HLCS: variants seen among roughly 807,000 people sequenced by gnomAD.
HLCS encodes the protein holocarboxylase synthetase.
HLCS carries 53 observed loss-of-function variants against 75.0 expected under a neutral mutation model. The observed-to-expected ratio is 0.71, with a 90% confidence interval of 0.57 to 0.89. HLCS has a LOEUF of 0.89. Among genes scored for constraint, HLCS ranks in the 40% least tolerant of loss-of-function variants. The pLI is 0.00. For missense variants in HLCS, 966 were observed against 1,074.0 expected (o/e 0.90, Z 1.41); for synonymous variants, 431 against 428.6 (o/e 1.01, Z -0.07).
chr21:36,775,303 T>C (rs192135457), intron 6 of HLCS, among the ~76,000 whole-genome samples: 3 of 152,356 alleles, frequency 2.0e-5, no homozygotes, highest in Non-Finnish European at 2.9e-5. Flanking sequence ...AGAATGAGGC[T>C]CCTTTTTGGT....
chr21:36,879,793 C>T (rs941035930), intron 6 of HLCS, among the ~76,000 whole-genome samples: 1 of 152,050 alleles, frequency 6.6e-6, no homozygotes, highest in Non-Finnish European at 1.5e-5. Flanking sequence ...GCCTGTAGTC[C>T]CAGCTACTCA....
At position 36,937,105 on chromosome 21, in the gene HLCS, T is replaced by C; in HGVS notation, c.781A>G (p.Asn261Asp). ...SSCHECLELE[N>D]STIESVKFAS... ...AACTTGACTGACTCAATGGTGCTGT[T>C]CTCAAGTTCCAGACACTCGTGGCAA... The change falls in exon 4 of 11, where the codon AAC becomes GAC. Residue 261 changes from asparagine (N) to aspartate (D), a missense_variant. Physicochemically the swap from Asn to Asp is conservative, Grantham distance 23 (BLOSUM62 1). Coordinates refer to ENST00000674895, the MANE Select transcript of HLCS (RefSeq NM_001352514.2). The C allele has an allele frequency of 6.2e-7, 1 of 1,614,126 alleles. No homozygotes were observed. The highest frequency in any genetic ancestry group is 8.5e-7 in the Non-Finnish European group (1 of 1,180,034).
intron 6 of HLCS, among the ~76,000 whole-genome samples, chr21:36,789,295 T>C (rs1047228503): frequency 6.6e-6 from 1 of 152,218 alleles, no homozygotes; most frequent in African/African-American, 2.4e-5. Flanking sequence ...AAACAGTACA[T>C]ACCACCTCAT....
intron 6 of HLCS, among the ~76,000 whole-genome samples, chr21:36,824,086 C>T (rs1252673717): frequency 4.6e-5 from 7 of 152,254 alleles, no homozygotes; most frequent in Admixed American, 4.6e-4. Flanking sequence ...TTGAGACCAG[C>T]CTGGCCAACA....
intron 6 of HLCS, among the ~76,000 whole-genome samples, chr21:36,801,420 A>G (rs2061197448): frequency 6.6e-6 from 1 of 152,246 alleles, no homozygotes. Context: ...CAATCAAGAA[A>G]AGGAAAAAAA....
At chr21:36,984,212 GT>G (rs998220690) in intron 1 of HLCS, among the ~76,000 whole-genome samples, 19 of 42,452 alleles carry the variant, frequency 4.5e-4, no homozygotes, top group African/African-American at 1.1e-3. Context: ...TGGTAGAGTA[GT>G]CCCCCCTTAT....
At chr21:36,771,796 C>T (rs910205074) in intron 6 of HLCS, among the ~76,000 whole-genome samples, 2 of 152,052 alleles carry the variant, frequency 1.3e-5, no homozygotes, top group Non-Finnish European at 2.9e-5. Context: ...GTCAGGAGTT[C>T]GGGACCAGCT....
At chr21:36,822,910 G>A (rs1601401919) in intron 6 of HLCS, among the ~76,000 whole-genome samples, 1 of 152,120 alleles carries the variant, frequency 6.6e-6, no homozygotes, top group Non-Finnish European at 1.5e-5. Flanking sequence ...TCAGAGTAGG[G>A]TTAAAAGAAA....
chr21:36,839,608 A>C (rs1156320689), intron 6 of HLCS, among the ~76,000 whole-genome samples: 1 of 152,226 alleles, frequency 6.6e-6, no homozygotes. Context: ...AAGAACTTCA[A>C]AGCCAACACA....
At chr21:36,918,900 C>T (rs1472446666) in intron 5 of HLCS, among the ~76,000 whole-genome samples, 1 of 152,200 alleles carries the variant, frequency 6.6e-6, no homozygotes, top group Non-Finnish European at 1.5e-5. Flanking sequence ...TACACATGTG[C>T]TTATTATACA....
At chr21:36,869,188 G>A (rs921482860) in intron 6 of HLCS, among the ~76,000 whole-genome samples, 2 of 151,816 alleles carry the variant, frequency 1.3e-5, no homozygotes, top group Admixed American at 6.6e-5. Flanking sequence ...GCAGTGGTGC[G>A]ATCTCGGCTC....
rs781702023 is a variant in HLCS at position 36,938,820 on chromosome 21, A to G, written c.493+12T>C. 3.1e-6 allele frequency: 5 copies of G among 1,613,716 alleles called. 1 individual carries two copies. The South Asian group carries it at 5.5e-5, about 18-fold the overall frequency. On this transcript the variant is annotated intron_variant, in intron 3 of 10. Coordinates refer to ENST00000674895, the MANE Select transcript of HLCS (RefSeq NM_001352514.2). ...TGCCTGGCCAATAAAAACATTTTCT[A>G]AAGTTACTTACACACAATCTTTTGG... is the stretch of plus-strand genomic sequence containing the variant.
At chr21:36,874,785 C>T (rs960982006) in intron 6 of HLCS, among the ~76,000 whole-genome samples, 6 of 152,080 alleles carry the variant, frequency 3.9e-5, no homozygotes, top group South Asian at 2.1e-4. Context: ...CCTACCAAGT[C>T]GGCTGGGCAG....
intron 6 of HLCS, among the ~76,000 whole-genome samples, chr21:36,872,149 G>A (rs971401220): frequency 8.5e-5 from 13 of 152,120 alleles, no homozygotes; most frequent in Non-Finnish European, 1.8e-4. Context: ...TGGGCTGGGC[G>A]CGGTGGCTCA....
At chr21:36,763,117 C>T (rs904504651) in intron 8 of HLCS, among the ~76,000 whole-genome samples, 18 of 152,130 alleles carry the variant, frequency 1.2e-4, no homozygotes, top group Non-Finnish European at 1.0e-4. Context: ...CTCTGCCTCC[C>T]GAGTTCAAGC....
chr21:36,930,553 C>T (rs779071826), intron 4 of HLCS, 120 bp from the exon 5 acceptor site: 153 of 872,220 alleles, frequency 1.8e-4, no homozygotes, highest in Non-Finnish European at 2.5e-4. Flanking sequence ...TTATGTTGCC[C>T]AGGCTGGTCT....
intron 6 of HLCS, among the ~76,000 whole-genome samples, chr21:36,888,443 AAAATATATATATATATATATAT>A (rs1232491885): frequency 0.039 from 1,092 of 28,308 alleles, 62 homozygotes; most frequent in African/African-American, 0.11. Flanking sequence ...AAAAAAAAAA[AAAATATATATATATATATATAT>A]ATATATATAT....
intron 2 of HLCS, among the ~76,000 whole-genome samples, chr21:36,952,464 T>TGACAGAG: frequency 6.6e-5 from 10 of 152,126 alleles, no homozygotes; most frequent in African/African-American, 2.4e-4. Context: ...ATCCTCCTTG[T>TGACAGAG]TGGGAAGGCA....
At chr21:36,965,721 T>C (rs2068532141) in intron 1 of HLCS, among the ~76,000 whole-genome samples, 1 of 142,552 alleles carries the variant, frequency 7.0e-6, no homozygotes, top group Non-Finnish European at 1.5e-5. Context: ...GTGGGAGTTT[T>C]TTGTTTGGGA....
Sources: gnomAD v4.1 joint callset for allele counts (sites outside exome capture counted in the v4.1 genomes callset) on GRCh38, gnomAD v4.1.1 for gene constraint, MANE v1.5 for transcripts, NCBI Gene and HGNC (gene_info 2026-07-23, HGNC 2026-07-21) for gene names.